GNAL: variants seen among roughly 807,000 people sequenced by gnomAD.
The protein encoded by GNAL is G protein subunit alpha L, also known as guanine nucleotide-binding protein G(olf) subunit alpha.
Under a neutral mutation model 55.1 loss-of-function variants are expected in GNAL, and 18 were observed. That is an observed-to-expected ratio of 0.33 (90% confidence interval 0.23 to 0.48). The LOEUF is 0.48. Ranked by LOEUF, GNAL falls within the 20% of genes least tolerant of loss-of-function variation. The pLI is 0.99. For synonymous variants in GNAL, 253 were observed against 237.0 expected, an observed-to-expected ratio of 1.07 and a Z score of -0.62; for missense variants, 412 against 614.1, an observed-to-expected ratio of 0.67 and a Z score of 3.48.
chr18:11,861,235 G>GC lies in GNAL; in HGVS notation c.723-1153dup, dbSNP rs562027326. Among the ~76,000 whole-genome samples, 1,107 of 151,948 alleles carry GC rather than the reference G, an allele frequency of 7.3e-3. 7 individuals carry two copies. Among genetic ancestry groups the GC allele is most frequent in the African/African-American group, 0.021 (874 of 41,398 alleles). ...ACGCCAGCACCAACAGAGAGCCTGG[G>GC]CCCCCCCGACCCCTCCCTCCTGCTG... On this transcript the variant is annotated intron_variant, in intron 5 of 11. Transcript: ENST00000334049.
At chr18:11,848,659 G>A (rs2035790278) in intron 5 of GNAL, among the ~76,000 whole-genome samples, 1 of 151,882 alleles carries the variant, frequency 6.6e-6, no homozygotes, top group South Asian at 2.1e-4. Flanking sequence ...CTTTCCCCAT[G>A]TTGGCCAGGC....
At chr18:11,748,472 C>T (rs949693295) in intron 1 of GNAL, among the ~76,000 whole-genome samples, 1 of 152,172 alleles carries the variant, frequency 6.6e-6, no homozygotes, top group Non-Finnish European at 1.5e-5. Context: ...TTTTATAGCA[C>T]ACACATTATC....
chr18:11,768,930 T>C (rs2033509049), intron 4 of GNAL, among the ~76,000 whole-genome samples: 1 of 132,128 alleles, frequency 7.6e-6, no homozygotes, highest in African/African-American at 2.7e-5. Context: ...CATATTATTA[T>C]ATATATTATA....
chr18:11,880,128 A>AGG (rs2036634254), intron 11 of GNAL, among the ~76,000 whole-genome samples: 3 of 147,522 alleles, frequency 2.0e-5, no homozygotes, highest in Non-Finnish European at 4.4e-5. Context: ...GTGGTGGCGC[A>AGG]CGCCTGTAAT....
At chr18:11,851,577 C>CA (rs756274240) in intron 5 of GNAL, 4 of 1,612,316 alleles carry the variant, frequency 2.5e-6, no homozygotes, top group Non-Finnish European at 3.4e-6. Context: ...GTAGGAGTGC[C>CA]AAAAAATGCG....
chr18:11,723,139 G>A (rs888770774), intron 1 of GNAL, among the ~76,000 whole-genome samples: 3 of 152,096 alleles, frequency 2.0e-5, no homozygotes, highest in Non-Finnish European at 2.9e-5. Flanking sequence ...AGCCAAGATC[G>A]TGCCACTGCA....
chr18:11,776,033 A>G (rs1206061790), intron 4 of GNAL, among the ~76,000 whole-genome samples: 2 of 152,216 alleles, frequency 1.3e-5, no homozygotes, highest in Non-Finnish European at 1.5e-5. Flanking sequence ...GGAGTGATTT[A>G]TAATTCGCCC....
At chr18:11,830,638 G>A (rs1035622781) in intron 5 of GNAL, among the ~76,000 whole-genome samples, 1 of 152,058 alleles carries the variant, frequency 6.6e-6, no homozygotes, top group Non-Finnish European at 1.5e-5. Context: ...AAACCCAAGA[G>A]AATTAAAAAC....
At chr18:11,815,029 T>C (rs920415500) in intron 4 of GNAL, among the ~76,000 whole-genome samples, 2 of 152,110 alleles carry the variant, frequency 1.3e-5, no homozygotes, top group Non-Finnish European at 2.9e-5. Flanking sequence ...CAGTTAGACA[T>C]GAAGAATAAG....
intron 1 of GNAL, among the ~76,000 whole-genome samples, chr18:11,731,036 G>T (rs114117373): frequency 1.5e-3 from 233 of 152,306 alleles, no homozygotes; most frequent in African/African-American, 5.5e-3. Context: ...GCATTAGACT[G>T]ATGATCTCTG....
In GNAL at chr18:11,753,659, A is replaced by G. The variant is rs754431169; in HGVS notation, c.481A>G (p.Lys161Glu). Reference protein sequence around the residue: ...EKKQKILDIRKNVKDAIVTIV... With the variant: ...EKKQKILDIRENVKDAIVTIV... ...GAAACAGAAAATTCTGGACATCCGGAAAAATGTTAAAGATGCTATCGTGGT... is the reference window on the plus strand; with the variant it reads ...GAAACAGAAAATTCTGGACATCCGGGAAAATGTTAAAGATGCTATCGTGGT... The change falls in exon 3 of 12, where the codon AAA becomes GAA. Residue 161 changes from lysine to glutamate, a missense_variant. Coordinates refer to ENST00000334049, the MANE Select transcript of GNAL (RefSeq NM_182978.4). 1.9e-6 allele frequency: 3 copies of G among 1,596,690 alleles called. No homozygotes were observed. Among genetic ancestry groups the G allele is most frequent in the Non-Finnish European group, 8.6e-7 (1 of 1,164,380 alleles).
At chr18:11,788,897 GAAA>G (rs1162398867) in intron 4 of GNAL, among the ~76,000 whole-genome samples, 3 of 82,516 alleles carry the variant, frequency 3.6e-5, no homozygotes, top group African/African-American at 2.3e-4. Context: ...ACTCCGTCTC[GAAA>G]AAAAAAAAAA....
At chr18:11,871,903 CTTG>C (rs770380620) in intron 9 of GNAL, among the ~76,000 whole-genome samples, 1 of 152,190 alleles carries the variant, frequency 6.6e-6, no homozygotes, top group East Asian at 1.9e-4. Flanking sequence ...TTTAAGATTT[CTTG>C]TTGTTGTTGT....
In GNAL at chr18:11,884,183, C is replaced by T. The variant is rs1311507334; in HGVS notation, c.*3048C>T. ...TGACGACATTAATAGCATTTACATA[C>T]TGTACAGATGCAACCTTTGATGATA... On this transcript the variant is annotated 3_prime_UTR_variant, in exon 12 of 12. Coordinates refer to ENST00000334049, the MANE Select transcript of GNAL (RefSeq NM_182978.4). 5.0e-6 allele frequency: 2 copies of T among 402,232 alleles called. No individual in the cohort carries two copies. The highest frequency in any genetic ancestry group is 7.6e-5 in the Admixed American group (2 of 26,432). The allele number at this position is 402,232 out of a possible 1,614,324, so 24.9% of individuals were successfully genotyped here.
chr18:11,845,526 A>G (rs1218895022), intron 5 of GNAL, among the ~76,000 whole-genome samples: 1 of 152,152 alleles, frequency 6.6e-6, no homozygotes, highest in Non-Finnish European at 1.5e-5. Context: ...TCATAGACCT[A>G]ACAATATTTC....
At chr18:11,730,578 A>G (rs1361870310) in intron 1 of GNAL, among the ~76,000 whole-genome samples, 1 of 151,948 alleles carries the variant, frequency 6.6e-6, no homozygotes, top group African/African-American at 2.4e-5. Flanking sequence ...AGCCTGGCCA[A>G]CATGGTGAAA....
chr18:11,807,240 T>A (rs1171921978), intron 4 of GNAL, among the ~76,000 whole-genome samples: 1 of 152,176 alleles, frequency 6.6e-6, no homozygotes, highest in Non-Finnish European at 1.5e-5. Flanking sequence ...TTTTTACAGC[T>A]GCATAGTAAT....
intron 1 of GNAL, among the ~76,000 whole-genome samples, chr18:11,717,061 T>C (rs564062179): frequency 1.3e-5 from 2 of 152,214 alleles, no homozygotes; most frequent in Admixed American, 1.3e-4. Flanking sequence ...GGCTCACGCA[T>C]GGCGGGCTGC....
At chr18:11,775,319 G>T (rs1451427341) in intron 4 of GNAL, among the ~76,000 whole-genome samples, 7 of 152,228 alleles carry the variant, frequency 4.6e-5, no homozygotes, top group Admixed American at 3.9e-4. Context: ...CACACACTGG[G>T]AGGAAATATT....
Sources: allele counts gnomAD v4.1 joint callset (sites outside exome capture counted in the v4.1 genomes callset), GRCh38; gene constraint gnomAD v4.1.1; transcripts MANE v1.5; gene names NCBI Gene and HGNC (gene_info 2026-07-23, HGNC 2026-07-21).